Variants in LIN7A observed in about 807,000 individuals in gnomAD.
The protein encoded by LIN7A is protein lin-7 homolog A.
In LIN7A, 25 loss-of-function variants were observed where a neutral mutation model predicts 29.8. That is an observed-to-expected ratio of 0.84 (90% CI 0.61 to 1.17). LIN7A has a LOEUF of 1.17. Among genes scored for constraint, LIN7A ranks in the 50% most tolerant of loss-of-function variants. The pLI is 0.00. For synonymous variants in LIN7A, 118 were observed against 107.5 expected, an observed-to-expected ratio of 1.10 and a Z score of -0.60; for missense variants, 239 against 287.0, an observed-to-expected ratio of 0.83 and a Z score of 1.21.
At chr12:80,896,061 T>C (rs1305632708) in intron 1 of LIN7A, among the ~76,000 whole-genome samples, 2 of 152,218 alleles carry the variant, frequency 1.3e-5, no homozygotes, top group Non-Finnish European at 2.9e-5. Flanking sequence ...ATTGATGCTA[T>C]AGAGACACTG....
At chr12:80,810,850 A>C (rs897799455) in intron 5 of LIN7A, among the ~76,000 whole-genome samples, 4 of 152,218 alleles carry the variant, frequency 2.6e-5, no homozygotes, top group African/African-American at 9.6e-5. Flanking sequence ...AGAGATGTTG[A>C]GCATTTTTTC....
At chr12:80,922,652 A>G (rs966350133) in intron 1 of LIN7A, among the ~76,000 whole-genome samples, 8 of 152,202 alleles carry the variant, frequency 5.3e-5, no homozygotes, top group African/African-American at 1.7e-4. Flanking sequence ...GAATTAAAAG[A>G]TACCCAGATA....
At chr12:80,921,718 G>T (rs542728323) in intron 1 of LIN7A, among the ~76,000 whole-genome samples, 1 of 152,202 alleles carries the variant, frequency 6.6e-6, no homozygotes, top group East Asian at 1.9e-4. Flanking sequence ...TATGCATTTT[G>T]GGGGGACAGA....
At chr12:80,828,355 T>C (rs935799401) in intron 4 of LIN7A, among the ~76,000 whole-genome samples, 8 of 152,094 alleles carry the variant, frequency 5.3e-5, no homozygotes, top group South Asian at 4.1e-4. Flanking sequence ...AACAGGGGAA[T>C]AGTTAAATGC....
chr12:80,845,032 A>T (rs1872997897), intron 4 of LIN7A, among the ~76,000 whole-genome samples: 1 of 151,906 alleles, frequency 6.6e-6, no homozygotes, highest in Non-Finnish European at 1.5e-5. Context: ...AGATCAGGAG[A>T]TTGAGACAAT....
At chr12:80,846,739 T>A (rs1282394991) in intron 3 of LIN7A, among the ~76,000 whole-genome samples, 1 of 152,198 alleles carries the variant, frequency 6.6e-6, no homozygotes, top group Non-Finnish European at 1.5e-5. Flanking sequence ...TGGACATAAT[T>A]TGTTTTAAAA....
At chr12:80,897,095 C>T (rs1875943145) in intron 1 of LIN7A, among the ~76,000 whole-genome samples, 1 of 148,802 alleles carries the variant, frequency 6.7e-6, no homozygotes, top group African/African-American at 2.5e-5. Flanking sequence ...TTTTTAAAAT[C>T]CTTCTTATTT....
chr12:80,877,955 T>C (rs1475032671), intron 2 of LIN7A, among the ~76,000 whole-genome samples: 2 of 152,152 alleles, frequency 1.3e-5, no homozygotes, highest in African/African-American at 4.8e-5. Context: ...AGACAGAATG[T>C]TCACTCTATC....
At chr12:80,849,209 A>G (rs1322939796) in intron 2 of LIN7A, among the ~76,000 whole-genome samples, 2 of 152,178 alleles carry the variant, frequency 1.3e-5, no homozygotes, top group Non-Finnish European at 2.9e-5. Context: ...GAATGGAGAC[A>G]GGAACAAGTT....
At chr12:80,924,118 T>C (rs1364587535) in intron 1 of LIN7A, among the ~76,000 whole-genome samples, 1 of 152,232 alleles carries the variant, frequency 6.6e-6, no homozygotes, top group Non-Finnish European at 1.5e-5. Flanking sequence ...ATATTAGCTC[T>C]TTCCCTAGCC....
intron 4 of LIN7A, among the ~76,000 whole-genome samples, chr12:80,835,944 A>C (rs1396265711): frequency 3.3e-5 from 5 of 152,208 alleles, no homozygotes; most frequent in Non-Finnish European, 7.4e-5. Flanking sequence ...GCAATATCCT[A>C]GTCAAGTGAT....
chr12:80,857,675 TCTGTGA>T (rs1442603465), intron 2 of LIN7A, among the ~76,000 whole-genome samples: 2 of 152,182 alleles, frequency 1.3e-5, no homozygotes, highest in Non-Finnish European at 2.9e-5. Context: ...AAAGCCAATT[TCTGTGA>T]AAATGGTTTT....
rs766968998 is a variant in LIN7A at position 80,848,337 on chromosome 12, T to C, written c.202-15A>G. Reference sequence around the variant, plus strand: ...TATTGATACACCTAAAATGTTCACATAAAAAGAAGAATGTGTAAGAACATG... The same window carrying C: ...TATTGATACACCTAAAATGTTCACACAAAAAGAAGAATGTGTAAGAACATG... On this transcript the variant is annotated splice_polypyrimidine_tract_variant and intron_variant, in intron 2 of 5. Coordinates refer to ENST00000552864, the MANE Select transcript of LIN7A (RefSeq NM_004664.4). 2.5e-5 allele frequency: 39 copies of C among 1,549,274 alleles called. No individual in the cohort carries two copies. In the East Asian group the frequency reaches 5.2e-4, roughly 21 times the overall value.
chr12:80,875,275 A>G (rs530692332), intron 2 of LIN7A, among the ~76,000 whole-genome samples: 10 of 152,286 alleles, frequency 6.6e-5, no homozygotes, highest in African/African-American at 2.2e-4. Flanking sequence ...TTTAATAAAA[A>G]TATTTGCACA....
intron 5 of LIN7A, among the ~76,000 whole-genome samples, chr12:80,810,577 A>T (rs932169607): frequency 1.3e-5 from 2 of 152,196 alleles, no homozygotes. Context: ...TCTCTTTGAC[A>T]TATTGATTTC....
intron 2 of LIN7A, among the ~76,000 whole-genome samples, chr12:80,857,680 G>A (rs565401098): frequency 1.3e-5 from 2 of 152,244 alleles, no homozygotes; most frequent in South Asian, 4.1e-4. Flanking sequence ...CAATTTCTGT[G>A]AAAATGGTTT....
chr12:80,892,819 G>A (rs1284805402), intron 1 of LIN7A, among the ~76,000 whole-genome samples: 1 of 152,178 alleles, frequency 6.6e-6, no homozygotes, highest in South Asian at 2.1e-4. Flanking sequence ...GTGCAGCCAA[G>A]GTTGAGACCA....
intron 5 of LIN7A, among the ~76,000 whole-genome samples, chr12:80,799,303 A>G (rs1870605989): frequency 6.6e-6 from 1 of 152,212 alleles, no homozygotes; most frequent in Admixed American, 6.5e-5. Context: ...TCTTTTCCAT[A>G]TTAGTGTGTC....
At chr12:80,814,625 C>CG (rs1454307786) in intron 4 of LIN7A, among the ~76,000 whole-genome samples, 3 of 151,954 alleles carry the variant, frequency 2.0e-5, no homozygotes, top group Non-Finnish European at 4.4e-5. Flanking sequence ...TAGGCTCTCA[C>CG]GGTGGTGGTG....
Sources: allele counts gnomAD v4.1 joint callset (sites outside exome capture counted in the v4.1 genomes callset), GRCh38; gene constraint gnomAD v4.1.1; transcripts MANE v1.5; gene names NCBI Gene and HGNC (gene_info 2026-07-23, HGNC 2026-07-21).